Variants in TRIM23 observed in about 807,000 individuals in gnomAD.
TRIM23 encodes E3 ubiquitin-protein ligase TRIM23.
In TRIM23, 27 loss-of-function variants were observed where a neutral mutation model predicts 71.0. The ratio of observed to expected loss-of-function variants is 0.38; its 90% confidence interval spans 0.28 to 0.52. TRIM23 has a LOEUF of 0.52. Among genes scored for constraint, TRIM23 ranks in the 20% least tolerant of loss-of-function variants. The pLI is 0.84. For synonymous variants in TRIM23, 234 were observed against 238.0 expected, an observed-to-expected ratio of 0.98 and a Z score of 0.16; for missense variants, 482 against 692.3, an observed-to-expected ratio of 0.70 and a Z score of 3.41.
chr5:65,596,923 G>A, intron 8 of TRIM23, 128 bp downstream of exon 8: 1 of 1,168,986 alleles, frequency 8.6e-7, no homozygotes, highest in Non-Finnish European at 1.2e-6. Flanking sequence ...TTTTTTCTCT[G>A]AGATGCTGAT....
intron 1 of TRIM23, among the ~76,000 whole-genome samples, chr5:65,619,166 G>A (rs1449187869): frequency 6.6e-6 from 1 of 152,042 alleles, no homozygotes; most frequent in African/African-American, 2.4e-5. Context: ...TTGCTTCACT[G>A]CCATACTCTT....
intron 7 of TRIM23, among the ~76,000 whole-genome samples, chr5:65,599,858 G>GAA (rs2150625392): frequency 6.6e-6 from 1 of 152,306 alleles, no homozygotes; most frequent in Admixed American, 6.5e-5. Context: ...CTAATGTATT[G>GAA]TTCTGTTTTT....
At chr5:65,609,512 C>T in intron 5 of TRIM23, 54 bp from the exon 6 acceptor site, 1 of 1,522,024 alleles carries the variant, frequency 6.6e-7, no homozygotes, top group Non-Finnish European at 8.9e-7. Context: ...AAGATTTTAC[C>T]TGTGAAATAT....
chr5:65,622,867 A>T (rs1253194189), intron 1 of TRIM23, among the ~76,000 whole-genome samples: 8 of 152,264 alleles, frequency 5.3e-5, no homozygotes, highest in Non-Finnish European at 2.9e-5. Flanking sequence ...ACAAAAAAAT[A>T]GATACTGCAA....
At chr5:65,619,281 CT>C (rs1282031809) in intron 1 of TRIM23, among the ~76,000 whole-genome samples, 1 of 152,162 alleles carries the variant, frequency 6.6e-6, no homozygotes, top group Non-Finnish European at 1.5e-5. Flanking sequence ...TATACTTGTC[CT>C]TTGGGCCCCG....
At chr5:65,617,318 T>C (rs1253945468) in intron 2 of TRIM23, among the ~76,000 whole-genome samples, 1 of 152,200 alleles carries the variant, frequency 6.6e-6, no homozygotes, top group Non-Finnish European at 1.5e-5. Context: ...GCTTCCTTTT[T>C]TGGTGGATAA....
chr5:65,621,835 A>G (rs71626589), intron 1 of TRIM23, among the ~76,000 whole-genome samples: 1 of 149,562 alleles, frequency 6.7e-6, no homozygotes, highest in Admixed American at 6.7e-5. Flanking sequence ...TATTATTATT[A>G]TTTTTTTTTT....
At chr5:65,620,075 A>T (rs1754888990) in intron 1 of TRIM23, among the ~76,000 whole-genome samples, 1 of 152,142 alleles carries the variant, frequency 6.6e-6, no homozygotes, top group South Asian at 2.1e-4. Flanking sequence ...ACAGAATGAC[A>T]CTCGGTCTCA....
intron 9 of TRIM23, among the ~76,000 whole-genome samples, chr5:65,595,947 G>C (rs1024092654): frequency 1.3e-5 from 2 of 152,084 alleles, no homozygotes; most frequent in African/African-American, 4.8e-5. Flanking sequence ...ATATAATACG[G>C]TTTGGTCAAA....
chr5:65,622,803 CTG>C (rs757872135), intron 1 of TRIM23, among the ~76,000 whole-genome samples: 2 of 152,134 alleles, frequency 1.3e-5, no homozygotes, highest in Non-Finnish European at 2.9e-5. Flanking sequence ...CTGTAAGAAA[CTG>C]GAGTTACATC....
intron 1 of TRIM23, among the ~76,000 whole-genome samples, chr5:65,622,440 G>A (rs1471172265): frequency 6.6e-6 from 1 of 152,114 alleles, no homozygotes; most frequent in Admixed American, 6.5e-5. Context: ...GTGCTTCCCA[G>A]GCACTTTGTG....
intron 2 of TRIM23, among the ~76,000 whole-genome samples, chr5:65,615,946 C>T (rs1754767149): frequency 6.6e-6 from 1 of 152,162 alleles, no homozygotes; most frequent in Non-Finnish European, 1.5e-5. Context: ...GGGACACAGC[C>T]TACCGAGCCT....
At chr5:65,618,290 C>T (rs1285421872) in intron 1 of TRIM23, 35 bp from the exon 2 acceptor site, 2 of 1,569,018 alleles carry the variant, frequency 1.3e-6, no homozygotes, top group South Asian at 1.2e-5. Flanking sequence ...GCTCTTTAAA[C>T]AATTTTAAAA....
chr5:65,619,746 T>C (rs969378267), intron 1 of TRIM23, among the ~76,000 whole-genome samples: 4 of 152,130 alleles, frequency 2.6e-5, no homozygotes, highest in African/African-American at 9.7e-5. Flanking sequence ...AGATGAAAAT[T>C]CTTTACGTGA....
chr5:65,606,818 C>A (rs1754520260), intron 6 of TRIM23: 1 of 152,302 alleles, frequency 6.6e-6, no homozygotes, highest in Non-Finnish European at 1.5e-5. Flanking sequence ...CATGTAGTTG[C>A]AGAATTCTTT....
rs768026134 is a variant in TRIM23 at position 65,614,230 on chromosome 5, T to C, written c.245-11A>G. 29 of 1,610,212 alleles carry C rather than the reference T, an allele frequency of 1.8e-5. No individual in the cohort carries two copies. The highest frequency in any genetic ancestry group is 3.3e-5 in the South Asian group (3 of 90,826). ...AGACACCTGAATCACCTAGAATAAA[T>C]ATAAAAACAAAAACTAAATCTAACA... is the stretch of plus-strand genomic sequence containing the variant. On this transcript the variant is annotated splice_polypyrimidine_tract_variant and intron_variant, in intron 2 of 10. Coordinates refer to ENST00000231524, the MANE Select transcript of TRIM23 (RefSeq NM_001656.4).
chr5:65,590,222 A>T lies in TRIM23; in HGVS notation c.*1547T>A. The T allele has an allele frequency of 6.4e-6, 6 of 940,646 alleles. No individual in the cohort carries two copies. The highest frequency in any genetic ancestry group is 8.2e-6 in the Non-Finnish European group (5 of 612,396). 58.3% of individuals were successfully genotyped at this position (940,646 alleles called of 1,614,324 possible). Reference sequence around the variant, plus strand: ...CTTTTTTATTTTTCACAGTTATTGAAATCAGTCAAATATTAAATAATTTAA... The same window carrying T: ...CTTTTTTATTTTTCACAGTTATTGATATCAGTCAAATATTAAATAATTTAA... On this transcript the variant is annotated 3_prime_UTR_variant, in exon 11 of 11. Transcript: ENST00000231524.
intron 7 of TRIM23, 21 bp from the exon 8 acceptor site, chr5:65,597,201 AAT>A: frequency 6.2e-7 from 1 of 1,612,394 alleles, no homozygotes; most frequent in Non-Finnish European, 8.5e-7. Flanking sequence ...AATATTTTTA[AAT>A]ATGTTTGACA....
intron 1 of TRIM23, among the ~76,000 whole-genome samples, chr5:65,619,420 G>A (rs1413377484): frequency 2.0e-5 from 3 of 152,136 alleles, no homozygotes; most frequent in African/African-American, 7.2e-5. Flanking sequence ...AGTACCTACT[G>A]CTTACATAAA....
Sources: gnomAD v4.1 joint callset for allele counts (sites outside exome capture counted in the v4.1 genomes callset) on GRCh38, gnomAD v4.1.1 for gene constraint, MANE v1.5 for transcripts, NCBI Gene and HGNC (gene_info 2026-07-23, HGNC 2026-07-21) for gene names.